CERS3: variants seen among roughly 807,000 people sequenced by gnomAD.
The protein encoded by CERS3 is ceramide synthase 3.
In CERS3, 33 loss-of-function variants were observed where a neutral mutation model predicts 50.3. The ratio of observed to expected loss-of-function variants is 0.66; its 90% CI spans 0.50 to 0.88. The LOEUF is 0.88. Ranked by LOEUF, CERS3 falls within the 40% of genes least tolerant of loss-of-function variation. The pLI is 0.00. For missense variants in CERS3, 470 were observed against 460.3 expected (o/e 1.02, Z -0.19); for synonymous variants, 176 against 155.2 (o/e 1.13, Z -0.99).
At chr15:100,438,337 G>A (rs1216779088) in intron 11 of CERS3, among the ~76,000 whole-genome samples, 2 of 152,004 alleles carry the variant, frequency 1.3e-5, no homozygotes, top group Non-Finnish European at 2.9e-5. Flanking sequence ...AAGCCACTGT[G>A]CCCGGCCTGT....
At chr15:100,443,127 T>C (rs2033764604) in intron 11 of CERS3, among the ~76,000 whole-genome samples, 3 of 151,712 alleles carry the variant, frequency 2.0e-5, no homozygotes, top group African/African-American at 4.8e-5. Context: ...ACTGCCCTTC[T>C]TCCCAATCCA....
chr15:100,479,062 C>T (rs1393410021), intron 7 of CERS3, among the ~76,000 whole-genome samples: 1 of 151,556 alleles, frequency 6.6e-6, no homozygotes, highest in Non-Finnish European at 1.5e-5. Context: ...ACTAGAAGAA[C>T]AAAAGCATGT....
chr15:100,413,918 G>A (rs1189354877), intron 11 of CERS3, among the ~76,000 whole-genome samples: 1 of 151,912 alleles, frequency 6.6e-6, no homozygotes, highest in East Asian at 1.9e-4. Context: ...TAGACCAACA[G>A]CAAATTCTGA....
intron 10 of CERS3, among the ~76,000 whole-genome samples, chr15:100,461,321 C>A (rs572474496): frequency 6.2e-4 from 95 of 152,184 alleles, no homozygotes; most frequent in African/African-American, 2.2e-3. Flanking sequence ...AACTGTATAG[C>A]CCTCAGAATG....
chr15:100,454,225 C>A (rs72757292), intron 11 of CERS3, among the ~76,000 whole-genome samples: 1 of 151,574 alleles, frequency 6.6e-6, no homozygotes, highest in East Asian at 1.9e-4. Flanking sequence ...CCCATCTCTA[C>A]GAAAAATTTT....
intron 9 of CERS3, among the ~76,000 whole-genome samples, chr15:100,471,993 G>A (rs778827424): frequency 6.6e-6 from 1 of 152,184 alleles, no homozygotes; most frequent in Non-Finnish European, 1.5e-5. Context: ...ATGTGACAGA[G>A]ATCATACGCA....
Position 100,480,916 on chromosome 15 carries a change from G to A in CERS3, c.408-870C>T, listed in dbSNP as rs189520102. 9.2e-4 allele frequency among the ~76,000 whole-genome samples: 140 copies of A among 152,232 alleles called. 2 individuals carry two copies. Among genetic ancestry groups the A allele is most frequent in the African/African-American group, 3.3e-3 (136 of 41,548 alleles). On this transcript the variant is annotated intron_variant, in intron 5 of 11. Coordinates refer to ENST00000679737, the MANE Select transcript of CERS3 (RefSeq NM_001378789.1). ...GGCCTTGAGTTGATCAACTAAAGCT[G>A]GTGATGGGTAATAACACTTAATTCA... is the stretch of plus-strand genomic sequence containing the variant.
In CERS3 at chr15:100,472,934, A is replaced by C; in HGVS notation, c.728T>G (p.Ile243Ser). The C allele has an allele frequency of 6.2e-7, 1 of 1,614,016 alleles. No homozygotes were observed. ...ATGGCAAACGTTTACCTCCAGCCAA[A>C]TGTCAGCCACATCGTGTACAATCAT... Reference protein sequence around the residue: ...LVMIVHDVADIWLESAKMFSY... With the variant: ...LVMIVHDVADSWLESAKMFSY... The change falls in exon 9 of 12, where the codon ATT becomes AGT. Residue 243 changes from isoleucine (I) to serine (S), a missense_variant. Transcript: ENST00000679737.
chr15:100,506,666 GCT>G (rs2036193729), intron 2 of CERS3, among the ~76,000 whole-genome samples: 1 of 152,180 alleles, frequency 6.6e-6, no homozygotes, highest in African/African-American at 2.4e-5. Context: ...AAAAGATGAT[GCT>G]AAGTGGCCAG....
chr15:100,436,469 T>C (rs2033410232), intron 11 of CERS3, among the ~76,000 whole-genome samples: 1 of 151,982 alleles, frequency 6.6e-6, no homozygotes, highest in Non-Finnish European at 1.5e-5. Flanking sequence ...CCGAGGCCTA[T>C]CGGGGCTGGG....
At chr15:100,483,589 C>T (rs2035381061) in intron 5 of CERS3, among the ~76,000 whole-genome samples, 1 of 151,640 alleles carries the variant, frequency 6.6e-6, no homozygotes, top group South Asian at 2.1e-4. Flanking sequence ...GCATTAGGTG[C>T]CAGGGGCAGT....
intron 11 of CERS3, among the ~76,000 whole-genome samples, chr15:100,439,027 T>C (rs1482282019): frequency 1.3e-5 from 2 of 152,248 alleles, no homozygotes; most frequent in South Asian, 2.1e-4. Context: ...TTTTCTGATG[T>C]AATGTATGGG....
At chr15:100,483,494 C>A (rs2035378407) in intron 5 of CERS3, among the ~76,000 whole-genome samples, 1 of 152,138 alleles carries the variant, frequency 6.6e-6, no homozygotes, top group South Asian at 2.1e-4. Flanking sequence ...AGCCTGAACT[C>A]TGGAAGAATT....
chr15:100,506,244 G>GA (rs528450679), intron 2 of CERS3, among the ~76,000 whole-genome samples: 2 of 151,824 alleles, frequency 1.3e-5, no homozygotes, highest in Non-Finnish European at 2.9e-5. Flanking sequence ...ACAACTCAAT[G>GA]AAAAAAAATG....
In CERS3 at chr15:100,476,384, C is replaced by T. The variant is rs554723874; in HGVS notation, c.517-206G>A. ...TTCTAAAAGGGTAGAGACAAGTATT[C>T]CAAACCCAAGTTGAATGTTTTGTTT... On this transcript the variant is annotated intron_variant, in intron 7 of 11. Coordinates refer to ENST00000679737, the MANE Select transcript of CERS3 (RefSeq NM_001378789.1). Among the ~76,000 whole-genome samples the T allele has an allele frequency of 1.9e-3, 288 of 152,200 alleles. 1 individual carries two copies. The highest frequency in any genetic ancestry group is 3.5e-3 in the Non-Finnish European group (241 of 67,982).
At chr15:100,440,727 C>T (rs2033642598) in intron 11 of CERS3, among the ~76,000 whole-genome samples, 1 of 152,246 alleles carries the variant, frequency 6.6e-6, no homozygotes. Flanking sequence ...CCGACCAGCC[C>T]AAGAAACATC....
intron 9 of CERS3, among the ~76,000 whole-genome samples, chr15:100,470,356 C>T (rs2034925804): frequency 6.6e-6 from 1 of 152,184 alleles, no homozygotes; most frequent in African/African-American, 2.4e-5. Flanking sequence ...AAAGGGTTCA[C>T]GTGGCATCTT....
chr15:100,414,081 C>T (rs756157533), intron 11 of CERS3, among the ~76,000 whole-genome samples: 6 of 152,102 alleles, frequency 3.9e-5, no homozygotes, highest in Non-Finnish European at 5.9e-5. Flanking sequence ...GGACTTCTCC[C>T]AAACTCATTC....
chr15:100,409,284 C>T (rs566875139), intron 11 of CERS3, among the ~76,000 whole-genome samples: 2 of 152,198 alleles, frequency 1.3e-5, no homozygotes, highest in African/African-American at 4.8e-5. Context: ...GTGAGACAAA[C>T]ACGGACATGT....
Sources: gnomAD v4.1 joint callset for allele counts (sites outside exome capture counted in the v4.1 genomes callset) on GRCh38, gnomAD v4.1.1 for gene constraint, MANE v1.5 for transcripts, NCBI Gene and HGNC (gene_info 2026-07-23, HGNC 2026-07-21) for gene names.